Variants in DLG2 observed in about 807,000 individuals in gnomAD.
DLG2 encodes the protein discs large MAGUK scaffold protein 2.
A neutral mutation model predicts 132.5 loss-of-function variants in DLG2; 45 were observed. The ratio of observed to expected loss-of-function variants is 0.34; its 90% CI spans 0.27 to 0.44. The LOEUF (loss-of-function observed/expected upper bound fraction) is 0.44. DLG2 is among the 20% of genes least tolerant of loss of function. The pLI is 1.00. For synonymous variants in DLG2, 424 were observed against 419.6 expected (o/e 1.01, Z -0.13); for missense variants, 1,045 against 1,196.9 (o/e 0.87, Z 1.87).
intron 10 of DLG2, 143 bp from the exon 11 acceptor site, chr11:84,059,627 A>C (rs2096559313): frequency 1.4e-6 from 1 of 700,972 alleles, no homozygotes; most frequent in African/African-American, 1.8e-5. Context: ...AGGATGCTTC[A>C]AATGAAGGAA....
chr11:84,772,925 A>C (rs1257764188), intron 6 of DLG2, among the ~76,000 whole-genome samples: 2 of 152,124 alleles, frequency 1.3e-5, no homozygotes, highest in Non-Finnish European at 2.9e-5. Flanking sequence ...AGCTAAAAGA[A>C]GAAAAAAATA....
chr11:85,418,465 G>A (rs537363896), intron 3 of DLG2, among the ~76,000 whole-genome samples: 1 of 152,226 alleles, frequency 6.6e-6, no homozygotes, highest in South Asian at 2.1e-4. Flanking sequence ...GGTCTGCTTG[G>A]TCCAGAGCTG....
At chr11:85,480,521 T>C (rs7105923) in intron 3 of DLG2, among the ~76,000 whole-genome samples, 5,410 of 152,304 alleles carry the variant, frequency 0.036, 146 homozygotes, top group Admixed American at 0.053. Context: ...ATAACATTTA[T>C]ATGCAACTTA....
chr11:84,327,745 C>A (rs949326989), intron 7 of DLG2, among the ~76,000 whole-genome samples: 1 of 152,112 alleles, frequency 6.6e-6, no homozygotes, highest in Non-Finnish European at 1.5e-5. Context: ...TTTGATTTTA[C>A]AAATTACGTC....
chr11:85,566,725 A>G (rs746700027), intron 3 of DLG2, among the ~76,000 whole-genome samples: 1 of 152,108 alleles, frequency 6.6e-6, no homozygotes, highest in Non-Finnish European at 1.5e-5. Flanking sequence ...TAAAATGTGA[A>G]TTTTGTGGGG....
intron 6 of DLG2, among the ~76,000 whole-genome samples, chr11:84,583,218 C>T (rs951423317): frequency 8.5e-5 from 13 of 152,150 alleles, no homozygotes; most frequent in Admixed American, 4.6e-4. Context: ...GTAGCATGGC[C>T]GATCTAATTC....
intron 7 of DLG2, among the ~76,000 whole-genome samples, chr11:84,427,811 G>A (rs1173558702): frequency 6.6e-6 from 1 of 152,022 alleles, no homozygotes; most frequent in Non-Finnish European, 1.5e-5. Context: ...GGAATACCAC[G>A]GACCTCAATA....
At chr11:84,397,274 A>AT (rs1368947986) in intron 7 of DLG2, among the ~76,000 whole-genome samples, 4 of 152,254 alleles carry the variant, frequency 2.6e-5, no homozygotes, top group Non-Finnish European at 5.9e-5. Flanking sequence ...TAAGGGAGAA[A>AT]TTTTTTAAAA....
At chr11:83,520,620 T>C (rs1304668747) in intron 21 of DLG2, among the ~76,000 whole-genome samples, 36 of 148,992 alleles carry the variant, frequency 2.4e-4, no homozygotes, top group Non-Finnish European at 1.5e-5. Context: ...GACAGACAGG[T>C]AGGTAGATAG....
chr11:84,558,379 T>C (rs573523758), intron 6 of DLG2, among the ~76,000 whole-genome samples: 72 of 152,318 alleles, frequency 4.7e-4, no homozygotes, highest in African/African-American at 1.7e-3. Context: ...TATTCCCCAG[T>C]AGTGAATTCT....
intron 3 of DLG2, among the ~76,000 whole-genome samples, chr11:85,296,611 T>C (rs1346274487): frequency 2.0e-5 from 3 of 151,470 alleles, no homozygotes; most frequent in Non-Finnish European, 4.4e-5. Flanking sequence ...AAATGAAGGG[T>C]ATTTTTTGGC....
In DLG2 at chr11:84,837,989, T is replaced by C. The variant is rs531857885; in HGVS notation, c.357+273672A>G. Among the ~76,000 whole-genome samples, 23 of 151,936 alleles carry C rather than the reference T, an allele frequency of 1.5e-4. No individual in the cohort carries two copies. In the South Asian group the frequency reaches 4.2e-3, roughly 27 times the overall value. On this transcript the variant is annotated intron_variant, in intron 6 of 27. Transcript: ENST00000376104. ...CCTTAACAAATGCTACAAGGGATCA[T>C]GATGCATGTCAAAGCTTGATATCAC... is the stretch of plus-strand genomic sequence containing the variant.
chr11:84,905,859 A>G (rs566540592), intron 6 of DLG2, among the ~76,000 whole-genome samples: 34 of 152,192 alleles, frequency 2.2e-4, no homozygotes, highest in African/African-American at 7.0e-4. Context: ...GACTTCCCCA[A>G]AGTCTGGATT....
intron 8 of DLG2, among the ~76,000 whole-genome samples, chr11:84,220,225 T>C (rs2096894466): frequency 6.6e-6 from 1 of 152,252 alleles, no homozygotes; most frequent in Non-Finnish European, 1.5e-5. Context: ...ACTCTGGTTA[T>C]GAACTTCTCT....
At chr11:85,103,488 G>A (rs559833871) in intron 6 of DLG2, among the ~76,000 whole-genome samples, 2 of 152,046 alleles carry the variant, frequency 1.3e-5, no homozygotes, top group Admixed American at 6.6e-5. Context: ...GAAGGGAAGG[G>A]ACAACTCGAT....
At chr11:85,508,692 C>T (rs183423349) in intron 3 of DLG2, among the ~76,000 whole-genome samples, 133 of 152,100 alleles carry the variant, frequency 8.7e-4, no homozygotes, top group African/African-American at 3.1e-3. Context: ...CAAAAACAAA[C>T]ATACCAAAGT....
Position 83,532,713 on chromosome 11 carries a change from T to C in DLG2, c.2188A>G (p.Lys730Glu), listed in dbSNP as rs1031025280. The C allele has an allele frequency of 6.2e-7, 1 of 1,613,224 alleles. No individual in the cohort carries two copies. Among genetic ancestry groups the C allele is most frequent in the South Asian group, 1.1e-5 (1 of 90,968 alleles). The change falls in exon 21 of 28, where the codon AAA becomes GAA. Residue 730 changes from lysine to glutamate, a missense_variant. Transcript: ENST00000376104. ...TTCCATCATTTTGTACCTACCCCTT[T>C]CGAATCAATCACTCCAGGTTTGGCA... ...FNAKPGVIDSKGSFNDKRKKS... is the reference protein window; with the variant it reads ...FNAKPGVIDSEGSFNDKRKKS...
At chr11:83,640,122 G>C (rs1566206761) in intron 18 of DLG2, among the ~76,000 whole-genome samples, 1 of 152,172 alleles carries the variant, frequency 6.6e-6, no homozygotes, top group Non-Finnish European at 1.5e-5. Context: ...AGATCACTGA[G>C]CTGTAAACAG....
rs1419521109 is a variant in DLG2 at position 83,980,512 on chromosome 11, T to C, written c.1050A>G (p.Leu350=). ...KDGRLQVGDR[L]LMVNNYSLEE... ...TTGCTGGAGTCACACTCACCATTAG[T>C]AGTCTATCTCCTACTTGCAACCTTC... Residue 350 remains leucine, a synonymous_variant, in exon 12 of 28, where the codon CTA becomes CTG. Coordinates refer to ENST00000376104, the MANE Select transcript of DLG2 (RefSeq NM_001142699.3). The C allele has an allele frequency of 8.7e-6, 14 of 1,612,888 alleles. No individual in the cohort carries two copies. Among genetic ancestry groups the C allele is most frequent in the Non-Finnish European group, 1.2e-5 (14 of 1,179,412 alleles).
Sources: gnomAD v4.1 joint callset for allele counts (sites outside exome capture counted in the v4.1 genomes callset) on GRCh38, gnomAD v4.1.1 for gene constraint, MANE v1.5 for transcripts, NCBI Gene and HGNC (gene_info 2026-07-23, HGNC 2026-07-21) for gene names.